The following PLPP1 variants were observed in gnomAD, a reference collection of about 807,000 sequenced individuals.
PLPP1 encodes the protein phospholipid phosphatase 1.
A neutral mutation model predicts 31.2 loss-of-function variants in PLPP1; 24 were observed. That is an observed-to-expected ratio of 0.77 (90% CI 0.56 to 1.08). The LOEUF is 1.08. Among genes scored for constraint, PLPP1 ranks in the 50% least tolerant of loss-of-function variants. PLPP1 has a pLI of 0.00. For synonymous variants in PLPP1, 146 were observed against 126.3 expected (o/e 1.16, Z -1.05); for missense variants, 319 against 342.7 (o/e 0.93, Z 0.55).
intron 1 of PLPP1, among the ~76,000 whole-genome samples, chr5:55,488,716 C>G (rs546452945): frequency 6.6e-6 from 1 of 152,236 alleles, no homozygotes; most frequent in East Asian, 1.9e-4. Context: ...AAGGAAACAT[C>G]AAAATGCTAC....
chr5:55,454,455 T>C (rs144733626), intron 3 of PLPP1, among the ~76,000 whole-genome samples: 2 of 152,338 alleles, frequency 1.3e-5, no homozygotes, highest in Admixed American at 6.5e-5. Flanking sequence ...GACAGGTCAA[T>C]AGGTTACTGG....
chr5:55,497,198 G>T (rs1257856018), intron 1 of PLPP1, among the ~76,000 whole-genome samples: 1 of 151,750 alleles, frequency 6.6e-6, no homozygotes, highest in African/African-American at 2.4e-5. Context: ...CGCCAAGAAA[G>T]AAGAAAGGAA....
At chr5:55,431,862 A>T (rs945859863) in intron 4 of PLPP1, among the ~76,000 whole-genome samples, 2 of 152,220 alleles carry the variant, frequency 1.3e-5, no homozygotes, top group African/African-American at 4.8e-5. Context: ...AGAAAACCCA[A>T]ATAAATTCAG....
chr5:55,510,803 G>C (rs1450644288), intron 1 of PLPP1, among the ~76,000 whole-genome samples: 2 of 152,046 alleles, frequency 1.3e-5, no homozygotes, highest in Non-Finnish European at 1.5e-5. Flanking sequence ...TGGGAGCTTG[G>C]GCAAATTACT....
At chr5:55,447,814 T>C (rs1285657252) in intron 3 of PLPP1, among the ~76,000 whole-genome samples, 3 of 152,238 alleles carry the variant, frequency 2.0e-5, no homozygotes, top group Non-Finnish European at 4.4e-5. Context: ...AATTGTCTTC[T>C]TTAGAGACAG....
chr5:55,488,943 C>T (rs754389112), intron 1 of PLPP1, among the ~76,000 whole-genome samples: 8 of 152,048 alleles, frequency 5.3e-5, no homozygotes, highest in Non-Finnish European at 1.0e-4. Flanking sequence ...GCAGGAGAAT[C>T]GCTTGAACCC....
intron 3 of PLPP1, among the ~76,000 whole-genome samples, chr5:55,450,739 C>T (rs572120112): frequency 1.3e-5 from 2 of 152,118 alleles, no homozygotes; most frequent in Non-Finnish European, 2.9e-5. Context: ...AGTAAAACTA[C>T]AGTCAAAAAG....
chr5:55,498,057 T>C (rs1318973140), intron 1 of PLPP1, among the ~76,000 whole-genome samples: 1 of 152,076 alleles, frequency 6.6e-6, no homozygotes, highest in Non-Finnish European at 1.5e-5. Flanking sequence ...GTAAAGCCAG[T>C]TGGGGTCTCA....
At position 55,442,925 on chromosome 5, in the gene PLPP1, C is replaced by G. The variant is rs192958929; in HGVS notation, c.492-1017G>C. Among the ~76,000 whole-genome samples, 18 of 151,868 alleles carry G rather than the reference C, an allele frequency of 1.2e-4. No homozygotes were observed. The East Asian group carries it at 3.1e-3, about 26-fold the overall frequency. On this transcript the variant is annotated intron_variant, in intron 3 of 5. Coordinates refer to ENST00000307259, the MANE Select transcript of PLPP1 (RefSeq NM_003711.4). ...CACATCAGGCACAGTGAAAGTATGC[C>G]ACGAAAAGATGCTCATGCAAATAAC...
chr5:55,452,589 A>C (rs966893568), intron 3 of PLPP1, among the ~76,000 whole-genome samples: 3 of 152,194 alleles, frequency 2.0e-5, no homozygotes, highest in Non-Finnish European at 4.4e-5. Context: ...TTTATTCAAC[A>C]CCTTTGCCTG....
intron 3 of PLPP1, among the ~76,000 whole-genome samples, chr5:55,453,228 A>C (rs939899011): frequency 1.3e-5 from 2 of 152,252 alleles, no homozygotes; most frequent in Non-Finnish European, 2.9e-5. Flanking sequence ...ACAGTTATAA[A>C]AATACATTAA....
chr5:55,487,311 A>G (rs535032783), intron 1 of PLPP1, among the ~76,000 whole-genome samples: 2 of 152,188 alleles, frequency 1.3e-5, no homozygotes, highest in East Asian at 3.9e-4. Flanking sequence ...TTCTAGAAAT[A>G]TAAGAATTTA....
intron 1 of PLPP1, among the ~76,000 whole-genome samples, chr5:55,479,083 G>C (rs1020196113): frequency 6.7e-6 from 1 of 150,288 alleles, no homozygotes; most frequent in Non-Finnish European, 1.5e-5. Flanking sequence ...GGAGTGCAAT[G>C]GTGCAATCTC....
chr5:55,426,553 C>G (rs1431179570), intron 4 of PLPP1, among the ~76,000 whole-genome samples: 3 of 143,112 alleles, frequency 2.1e-5, no homozygotes, highest in Non-Finnish European at 3.0e-5. Context: ...AGGTACATGT[C>G]ACTGAGCCCA....
intron 1 of PLPP1, among the ~76,000 whole-genome samples, chr5:55,500,586 T>C (rs1244938947): frequency 6.6e-6 from 1 of 152,188 alleles, no homozygotes; most frequent in East Asian, 1.9e-4. Context: ...GTTTGAATAT[T>C]TTATAATAAA....
chr5:55,460,206 T>C (rs1359323861), intron 3 of PLPP1, among the ~76,000 whole-genome samples: 3 of 152,108 alleles, frequency 2.0e-5, no homozygotes, highest in African/African-American at 4.8e-5. Flanking sequence ...TAAATAAAGA[T>C]CCAATATATC....
chr5:55,428,632 A>G (rs1210859034), intron 4 of PLPP1, among the ~76,000 whole-genome samples: 2 of 152,234 alleles, frequency 1.3e-5, no homozygotes, highest in African/African-American at 4.8e-5. Context: ...CTTTCCCTAA[A>G]TGCCACTGAA....
chr5:55,468,187 AAGCAG>A (rs781595804), intron 2 of PLPP1, 38 bp from the exon 3 acceptor site: 1 of 1,495,014 alleles, frequency 6.7e-7, no homozygotes, highest in East Asian at 2.3e-5. Context: ...TTAAAGTAGC[AAGCAG>A]GCACTTTAAA....
intron 1 of PLPP1, among the ~76,000 whole-genome samples, chr5:55,479,834 G>A (rs1337494131): frequency 1.3e-5 from 2 of 152,144 alleles, no homozygotes; most frequent in Admixed American, 1.3e-4. Flanking sequence ...CCTACTTTGA[G>A]AGCATGTAGG....
Sources: gnomAD v4.1 joint callset for allele counts (sites outside exome capture counted in the v4.1 genomes callset) on GRCh38, gnomAD v4.1.1 for gene constraint, MANE v1.5 for transcripts, NCBI Gene and HGNC (gene_info 2026-07-23, HGNC 2026-07-21) for gene names.